The following KIAA1549L variants were observed in gnomAD, a reference collection of about 807,000 sequenced individuals.
The protein encoded by KIAA1549L is KIAA1549 like.
KIAA1549L carries 88 observed loss-of-function variants against 160.7 expected under a neutral mutation model. The ratio of observed to expected loss-of-function variants is 0.55; its 90% CI spans 0.46 to 0.65. The LOEUF (loss-of-function observed/expected upper bound fraction) is 0.65, where lower values mean the gene tolerates loss of function less well. Ranked by LOEUF, KIAA1549L falls within the 30% of genes least tolerant of loss-of-function variation. KIAA1549L has a pLI of 0.00. For missense variants in KIAA1549L, 2,258 were observed against 2,437.5 expected, an observed-to-expected ratio of 0.93 and a Z score of 1.55; for synonymous variants, 950 against 976.7, an observed-to-expected ratio of 0.97 and a Z score of 0.51.
chr11:33,514,386 T>G (rs1049327729), intron 1 of KIAA1549L, among the ~76,000 whole-genome samples: 1 of 152,192 alleles, frequency 6.6e-6, no homozygotes, highest in Non-Finnish European at 1.5e-5. Context: ...CCACATTCTT[T>G]TTTGACGTCT....
chr11:33,462,725 A>G (rs758691471), intron 1 of KIAA1549L, among the ~76,000 whole-genome samples: 2 of 152,104 alleles, frequency 1.3e-5, no homozygotes, highest in African/African-American at 2.4e-5. Context: ...TTCCTTACAT[A>G]TAAGTTGGAA....
At chr11:33,421,267 G>T (rs1851004819) in intron 1 of KIAA1549L, among the ~76,000 whole-genome samples, 1 of 151,640 alleles carries the variant, frequency 6.6e-6, no homozygotes, top group African/African-American at 2.4e-5. Context: ...GGGGTGGGAA[G>T]TGTGTGCACT....
chr11:33,433,113 G>A (rs1259767212), intron 1 of KIAA1549L, among the ~76,000 whole-genome samples: 3 of 152,168 alleles, frequency 2.0e-5, no homozygotes, highest in Non-Finnish European at 4.4e-5. Flanking sequence ...CTTCTGCACA[G>A]CAAAAGAAAC....
At chr11:33,398,274 TA>T (rs543914338) in intron 1 of KIAA1549L, among the ~76,000 whole-genome samples, 1,557 of 136,812 alleles carry the variant, frequency 0.011, 9 homozygotes, top group African/African-American at 0.027. Flanking sequence ...TTCAAAAATG[TA>T]AAAAAAAAAA....
At chr11:33,558,567 A>G (rs964836940) in intron 6 of KIAA1549L, among the ~76,000 whole-genome samples, 2 of 152,166 alleles carry the variant, frequency 1.3e-5, no homozygotes, top group Admixed American at 6.5e-5. Flanking sequence ...GGCACGCAGC[A>G]CAGAAATTCA....
chr11:33,382,000 T>C (rs369610734), intron 1 of KIAA1549L, among the ~76,000 whole-genome samples: 2 of 152,338 alleles, frequency 1.3e-5, no homozygotes, highest in South Asian at 4.1e-4. Context: ...TTGAAATGTT[T>C]ATTCAAGTGG....
intron 1 of KIAA1549L, among the ~76,000 whole-genome samples, chr11:33,443,751 A>G (rs1203891303): frequency 1.3e-5 from 2 of 152,180 alleles, no homozygotes; most frequent in African/African-American, 2.4e-5. Flanking sequence ...AAATATATTG[A>G]AATACAGCTT....
At chr11:33,595,929 C>T (rs1043899616) in intron 12 of KIAA1549L, among the ~76,000 whole-genome samples, 1 of 152,076 alleles carries the variant, frequency 6.6e-6, no homozygotes, top group African/African-American at 2.4e-5. Context: ...GTTCTGCGTC[C>T]TTTTCCTCCA....
chr11:33,450,564 A>AAACAAC (rs67487919), intron 1 of KIAA1549L: 9 of 145,060 alleles, frequency 6.2e-5, no homozygotes, highest in Non-Finnish European at 9.0e-5. Context: ...CCTGTCTCTT[A>AAACAAC]AACAACAACA....
At chr11:33,552,302 A>G in intron 6 of KIAA1549L, 61 bp downstream of exon 6, 6 of 1,541,418 alleles carry the variant, frequency 3.9e-6, no homozygotes, top group Non-Finnish European at 5.3e-6. Context: ...AGAGTCTGGC[A>G]AGAAATGACT....
rs775904169 is a variant in KIAA1549L, at chr11:33,656,055, C to T, written c.5804C>T (p.Pro1935Leu). The T allele has an allele frequency of 6.8e-6, 11 of 1,613,778 alleles. No individual in the cohort carries two copies. The highest frequency in any genetic ancestry group is 1.6e-4 in the Middle Eastern group (1 of 6,080). The change falls in exon 18 of 21, where the codon CCG becomes CTG. Residue 1935 changes from proline (P) to leucine (L), a missense_variant. Around this residue, in one of 6 missense-constraint regions of KIAA1549L, gnomAD observed 1,359 missense variants for 1,546.6 expected, o/e 0.88. Coordinates refer to ENST00000658780, the MANE Select transcript of KIAA1549L (RefSeq NM_012194.3). ...CTTCCTGAGATGGTCATGGGCTCACCGCCTCCACCCGTACCTCCCCGGACT... is the reference window on the plus strand; with the variant it reads ...CTTCCTGAGATGGTCATGGGCTCACTGCCTCCACCCGTACCTCCCCGGACT... ...SQLPEMVMGSPPPPVPPRTGP... is the reference protein window; with the variant it reads ...SQLPEMVMGSLPPPVPPRTGP...
chr11:33,500,432 C>A (rs1020199528), intron 1 of KIAA1549L, among the ~76,000 whole-genome samples: 3 of 152,142 alleles, frequency 2.0e-5, no homozygotes, highest in Non-Finnish European at 4.4e-5. Flanking sequence ...ATTAATAAAG[C>A]AAGCAAGCCA....
chr11:33,569,110 T>C (rs1855155320), intron 9 of KIAA1549L, among the ~76,000 whole-genome samples: 1 of 152,188 alleles, frequency 6.6e-6, no homozygotes, highest in South Asian at 2.1e-4. Flanking sequence ...TCAGATAAAC[T>C]AGAAGCGCTC....
chr11:33,413,402 C>T (rs1319737231), intron 1 of KIAA1549L, among the ~76,000 whole-genome samples: 2 of 149,014 alleles, frequency 1.3e-5, no homozygotes, highest in Non-Finnish European at 3.0e-5. Flanking sequence ...CATGCCACTG[C>T]GCGCCAGCTG....
intron 20 of KIAA1549L, 69 bp from the exon 21 acceptor site, chr11:33,667,804 A>G (rs895987394): frequency 7.2e-7 from 1 of 1,397,644 alleles, no homozygotes; most frequent in Non-Finnish European, 9.8e-7. Context: ...TCCAGTGTCA[A>G]GTGTGTCCTG....
At position 33,470,633 on chromosome 11, in the gene KIAA1549L, G is replaced by T. The variant is rs189109472; in HGVS notation, c.239-71169G>T. The stretch of plus-strand genomic sequence containing the variant: ...TGTTTGTTTTTTGGTAGAGATGGGG[G>T]TTTCACCATGTTGCCAAGGCTGGTC... On this transcript the variant is annotated intron_variant, in intron 1 of 20. Transcript: ENST00000658780. Among the ~76,000 whole-genome samples the T allele has an allele frequency of 5.5e-3, 836 of 152,032 alleles. 8 individuals are homozygous for T. The highest frequency in any genetic ancestry group is 7.2e-3 in the Non-Finnish European group (487 of 67,958).
chr11:33,420,235 G>GTTTGTTTGTTTGTTTGTTTGTTT (rs1554975227), intron 1 of KIAA1549L, among the ~76,000 whole-genome samples: 1 of 46,318 alleles, frequency 2.2e-5, no homozygotes, highest in African/African-American at 5.7e-5. Flanking sequence ...TTTTTTTTTT[G>GTTTGTTTGTTTGTTTGTTTGTTT]TTTTTTTTTT....
In KIAA1549L at chr11:33,624,799, G is replaced by A. The variant is rs186952232; in HGVS notation, c.5409+6137G>A. Among the ~76,000 whole-genome samples, 789 of 147,126 alleles carry A rather than the reference G, an allele frequency of 5.4e-3. 11 individuals carry two copies. The highest frequency in any genetic ancestry group is 0.018 in the African/African-American group (717 of 39,650). On this transcript the variant is annotated intron_variant, in intron 16 of 20. Transcript: ENST00000658780. ...ATACTTTAAGTTTTAGGGTACATGT[G>A]CACAATGTGCAGGTTAGATACATAT...
chr11:33,552,922 G>A (rs1429256294), intron 6 of KIAA1549L, among the ~76,000 whole-genome samples: 1 of 152,154 alleles, frequency 6.6e-6, no homozygotes, highest in Admixed American at 6.5e-5. Flanking sequence ...CGTCAATGCA[G>A]TGTAGAAATG....
Sources: allele counts gnomAD v4.1 joint callset (sites outside exome capture counted in the v4.1 genomes callset), GRCh38; gene constraint gnomAD v4.1.1; regional missense constraint gnomAD v4.1.1; transcripts MANE v1.5; gene names NCBI Gene and HGNC (gene_info 2026-07-23, HGNC 2026-07-21).